The following SMG6 variants were observed in gnomAD, a reference collection of about 807,000 sequenced individuals.
SMG6 encodes the protein SMG6 nonsense mediated mRNA decay factor.
SMG6 carries 66 observed loss-of-function variants against 142.2 expected under a neutral mutation model. The ratio of observed to expected loss-of-function variants is 0.46; its 90% confidence interval spans 0.38 to 0.57. The LOEUF (loss-of-function observed/expected upper bound fraction) is 0.57. Among genes scored for constraint, SMG6 ranks in the 20% least tolerant of loss-of-function variants. The pLI is 0.00. For missense variants in SMG6, 1,793 were observed against 1,832.0 expected (o/e 0.98, Z 0.39); for synonymous variants, 779 against 702.4 (o/e 1.11, Z -1.72).
At chr17:2,135,946 G>A (rs1182431836) in intron 13 of SMG6, among the ~76,000 whole-genome samples, 1 of 141,482 alleles carries the variant, frequency 7.1e-6, no homozygotes, top group Non-Finnish European at 1.5e-5. Context: ...GCCTCTCAAA[G>A]TGCTGGGATT....
Position 2,184,681 on chromosome 17 carries a change from G to C in SMG6, c.3155+1982C>G, listed in dbSNP as rs566125796. The stretch of plus-strand genomic sequence containing the variant: ...TCAAAAAAAAAAAAAAAAAAAAAAA[G>C]GCTGGGTACGGTGGTTCATGCGCCT... On this transcript the variant is annotated intron_variant, in intron 12 of 18. Coordinates refer to ENST00000263073, the MANE Select transcript of SMG6 (RefSeq NM_017575.5). Among the ~76,000 whole-genome samples, 127 of 98,014 alleles carry C rather than the reference G, an allele frequency of 1.3e-3. 1 individual carries two copies. The East Asian group carries it at 0.033, about 26-fold the overall frequency. The allele number at this position is 98,014 out of a possible 152,430, so 64.3% of individuals were successfully genotyped here. A position where few individuals can be genotyped will look rare whatever the true frequency, so the allele number is the denominator to read the frequency against.
At chr17:2,092,168 T>C (rs1301568919) in intron 13 of SMG6, among the ~76,000 whole-genome samples, 1 of 152,140 alleles carries the variant, frequency 6.6e-6, no homozygotes, top group Non-Finnish European at 1.5e-5. Context: ...GTATTTTCAG[T>C]AGAGACGGGG....
intron 13 of SMG6, among the ~76,000 whole-genome samples, chr17:2,127,113 T>C (rs1353516807): frequency 7.8e-6 from 1 of 127,822 alleles, no homozygotes; most frequent in African/African-American, 3.1e-5. Context: ...CACTCCAGCC[T>C]GGGCAACACA....
At chr17:2,243,349 C>T (rs533274185) in intron 9 of SMG6, among the ~76,000 whole-genome samples, 39 of 152,292 alleles carry the variant, frequency 2.6e-4, no homozygotes, top group African/African-American at 8.7e-4. Flanking sequence ...TTAACTACAA[C>T]GGTATGTGGA....
At chr17:2,157,970 C>T (rs1001218488) in intron 13 of SMG6, among the ~76,000 whole-genome samples, 6 of 152,170 alleles carry the variant, frequency 3.9e-5, no homozygotes, top group Non-Finnish European at 5.9e-5. Flanking sequence ...TAACCAAAGT[C>T]ACAGGAGTGG....
chr17:2,164,815 T>C (rs1485690200), intron 13 of SMG6, among the ~76,000 whole-genome samples: 1 of 152,036 alleles, frequency 6.6e-6, no homozygotes. Flanking sequence ...CGCGTGCCTG[T>C]AGTCCCAGCT....
chr17:2,296,908 T>A (rs570439130), intron 4 of SMG6, among the ~76,000 whole-genome samples: 4 of 149,764 alleles, frequency 2.7e-5, no homozygotes, highest in Non-Finnish European at 5.9e-5. Context: ...CAGAGGAGAA[T>A]CCCTTAAACC....
chr17:2,105,083 A>T (rs1457556320), intron 13 of SMG6, among the ~76,000 whole-genome samples: 1 of 103,152 alleles, frequency 9.7e-6, no homozygotes, highest in African/African-American at 4.5e-5. Flanking sequence ...CACCCAGCTA[A>T]TTTTTTTTTT....
At chr17:2,086,373 T>C (rs2151437458) in intron 13 of SMG6, among the ~76,000 whole-genome samples, 2 of 152,276 alleles carry the variant, frequency 1.3e-5, no homozygotes, top group Admixed American at 6.5e-5. Context: ...CAAGTGCAAA[T>C]TGAATGCTAA....
chr17:2,286,754 G>A (rs1164086482), intron 6 of SMG6, among the ~76,000 whole-genome samples: 2 of 151,872 alleles, frequency 1.3e-5, no homozygotes, highest in Non-Finnish European at 1.5e-5. Context: ...AGATAAACTG[G>A]ACTTCAGCAA....
At chr17:2,171,215 A>C (rs141394515) in intron 13 of SMG6, among the ~76,000 whole-genome samples, 3,724 of 152,244 alleles carry the variant, frequency 0.024, 68 homozygotes, top group South Asian at 0.068. Context: ...CAGAGGTTGC[A>C]GTGAGCTGAG....
intron 13 of SMG6, among the ~76,000 whole-genome samples, chr17:2,103,041 T>C (rs1432541212): frequency 6.6e-6 from 1 of 152,268 alleles, no homozygotes; most frequent in Non-Finnish European, 1.5e-5. Flanking sequence ...CATCTGTTGA[T>C]GGACACTCAG....
At chr17:2,239,811 T>C (rs979352205) in intron 9 of SMG6, among the ~76,000 whole-genome samples, 1 of 152,230 alleles carries the variant, frequency 6.6e-6, no homozygotes, top group Non-Finnish European at 1.5e-5. Context: ...ACAAACATTA[T>C]ATTTTTAAAA....
chr17:2,096,035 C>A (rs2068846822), intron 13 of SMG6, among the ~76,000 whole-genome samples: 1 of 152,114 alleles, frequency 6.6e-6, no homozygotes, highest in Admixed American at 6.6e-5. Flanking sequence ...ATTCCCTCAT[C>A]GTCTTTTAAG....
rs561017088 is a variant in SMG6 at position 2,257,087 on chromosome 17, C to CTT, written c.2662-12370_2662-12369dup. Among the ~76,000 whole-genome samples the CTT allele has an allele frequency of 2.4e-3, 322 of 134,766 alleles. 2 individuals are homozygous for CTT. Among genetic ancestry groups the CTT allele is most frequent in the African/African-American group, 5.8e-3 (213 of 36,586 alleles). The allele number at this position is 134,766 out of a possible 152,430, so 88.4% of individuals were successfully genotyped here. A position where few individuals can be genotyped will look rare whatever the true frequency, so the allele number is the denominator to read the frequency against. On this transcript the variant is annotated intron_variant, in intron 8 of 18. Coordinates refer to ENST00000263073, the MANE Select transcript of SMG6 (RefSeq NM_017575.5). ...ACCTCCCAGGTTCAAGGGATTCTTCCTTTTTTTTTTTTTTTTGAGACAGAG... is the reference window on the plus strand; with the variant it reads ...ACCTCCCAGGTTCAAGGGATTCTTCCTTTTTTTTTTTTTTTTTTGAGACAGAG...
At chr17:2,086,881 G>A (rs573595916) in intron 13 of SMG6, among the ~76,000 whole-genome samples, 1 of 152,302 alleles carries the variant, frequency 6.6e-6, no homozygotes, top group South Asian at 2.1e-4. Context: ...GGGCCCTGCT[G>A]GATCTGGAGC....
intron 8 of SMG6, among the ~76,000 whole-genome samples, chr17:2,259,799 A>G (rs1297352115): frequency 6.6e-6 from 1 of 152,234 alleles, no homozygotes; most frequent in Non-Finnish European, 1.5e-5. Flanking sequence ...CCATACAGGA[A>G]AACCCCTGAA....
At chr17:2,168,337 T>C (rs1466831739) in intron 13 of SMG6, among the ~76,000 whole-genome samples, 1 of 151,628 alleles carries the variant, frequency 6.6e-6, no homozygotes, top group Admixed American at 6.6e-5. Context: ...GGATTACAGG[T>C]GCCTACCACC....
chr17:2,217,038 A>G (rs1300809834), intron 10 of SMG6, among the ~76,000 whole-genome samples: 1 of 152,242 alleles, frequency 6.6e-6, no homozygotes, highest in African/African-American at 2.4e-5. Flanking sequence ...TGGCGAACAC[A>G]TTATGGCAGG....
Sources: allele counts gnomAD v4.1 joint callset (sites outside exome capture counted in the v4.1 genomes callset), GRCh38; gene constraint gnomAD v4.1.1; transcripts MANE v1.5; gene names NCBI Gene and HGNC (gene_info 2026-07-23, HGNC 2026-07-21).